Variants in ZNRF3 observed in about 807,000 individuals in gnomAD.
The protein encoded by ZNRF3 is zinc and ring finger 3.
ZNRF3 carries 23 observed loss-of-function variants against 72.5 expected under a neutral mutation model. That is an observed-to-expected ratio of 0.32 (90% CI 0.23 to 0.45). ZNRF3 has a LOEUF of 0.45. Ranked by LOEUF, ZNRF3 falls within the 20% of genes least tolerant of loss-of-function variation. ZNRF3 has a pLI of 1.00. For synonymous variants in ZNRF3, 610 were observed against 545.3 expected (o/e 1.12, Z -1.65); for missense variants, 1,169 against 1,272.1 (o/e 0.92, Z 1.23).
At chr22:28,929,088 G>C (rs1368168722) in intron 1 of ZNRF3, among the ~76,000 whole-genome samples, 2 of 152,212 alleles carry the variant, frequency 1.3e-5, no homozygotes, top group Non-Finnish European at 2.9e-5. Flanking sequence ...CTGTGGTGCT[G>C]TTTGACTGCA....
chr22:29,007,752 C>CTTTTTTTTTTTTTTTTTTTTTTTTTTT (rs943507617), intron 2 of ZNRF3, among the ~76,000 whole-genome samples: 1 of 43,676 alleles, frequency 2.3e-5, no homozygotes, highest in African/African-American at 7.3e-5. Flanking sequence ...CCATTTCTTC[C>CTTTTTTTTTTTTTTTTTTTTTTTTTTT]TTTTTTTTTT....
At chr22:29,044,108 G>T (rs935360300) in intron 4 of ZNRF3, among the ~76,000 whole-genome samples, 4 of 152,164 alleles carry the variant, frequency 2.6e-5, no homozygotes, top group Non-Finnish European at 5.9e-5. Flanking sequence ...AGTGTAGGAT[G>T]ATTCTTTCCC....
chr22:29,037,313 G>T (rs1282264712), intron 2 of ZNRF3, among the ~76,000 whole-genome samples: 3 of 152,156 alleles, frequency 2.0e-5, no homozygotes, highest in Non-Finnish European at 4.4e-5. Flanking sequence ...TAAGTGGTGG[G>T]CTCTAGGCTT....
chr22:28,997,096 G>A (rs1458873865), intron 2 of ZNRF3, among the ~76,000 whole-genome samples: 2 of 152,122 alleles, frequency 1.3e-5, no homozygotes, highest in African/African-American at 2.4e-5. Flanking sequence ...GATTTGCTGT[G>A]GGAAGGGGAG....
intron 5 of ZNRF3, 62 bp from the exon 6 acceptor site, chr22:29,046,654 C>T (rs1366754780): frequency 1.4e-6 from 2 of 1,470,078 alleles, no homozygotes; most frequent in East Asian, 4.8e-5. Context: ...TGTCATGTCC[C>T]TGGGGTGACT....
intron 4 of ZNRF3, 35 bp downstream of exon 4, chr22:29,043,465 C>A (rs747283032): frequency 3.7e-6 from 6 of 1,609,472 alleles, no homozygotes; most frequent in South Asian, 1.1e-5. Context: ...AGGCTCGGGG[C>A]CTTCTCTGCT....
chr22:28,958,174 C>T lies in ZNRF3; in HGVS notation c.301-28902C>T, dbSNP rs539506692. Among the ~76,000 whole-genome samples, 12 of 152,274 alleles carry T rather than the reference C, an allele frequency of 7.9e-5. No individual in the cohort carries two copies. In the East Asian group the frequency reaches 2.3e-3, roughly 29 times the overall value. On this transcript the variant is annotated intron_variant, in intron 1 of 8. Transcript: ENST00000544604. ...CTGCATGCCAGCCTGGGCAACAGAG[C>T]GAGACTCCGTCTCAAAAGAAAAGCA...
At chr22:28,928,647 C>T (rs1320247897) in intron 1 of ZNRF3, among the ~76,000 whole-genome samples, 1 of 151,974 alleles carries the variant, frequency 6.6e-6, no homozygotes, top group Non-Finnish European at 1.5e-5. Flanking sequence ...GCATACGCCA[C>T]CAAACCCGGC....
At chr22:29,024,284 G>GTTTTTTT (rs59532780) in intron 2 of ZNRF3, among the ~76,000 whole-genome samples, 32,621 of 125,982 alleles carry the variant, frequency 0.26, 5,347 homozygotes, top group Middle Eastern at 0.36. Flanking sequence ...GGCATTAACT[G>GTTTTTTT]TTTTTTTTTT....
chr22:28,905,548 T>C (rs1029056422), intron 1 of ZNRF3, among the ~76,000 whole-genome samples: 9 of 152,186 alleles, frequency 5.9e-5, no homozygotes, highest in African/African-American at 2.2e-4. Context: ...TTTGTACCAA[T>C]CAAAACAAAT....
chr22:28,891,058 G>C (rs372294433), intron 1 of ZNRF3, among the ~76,000 whole-genome samples: 1 of 152,166 alleles, frequency 6.6e-6, no homozygotes, highest in African/African-American at 2.4e-5. Context: ...TATCTGGTCA[G>C]AACTTTGCTT....
chr22:28,902,290 T>C (rs2034122879), intron 1 of ZNRF3, among the ~76,000 whole-genome samples: 2 of 152,202 alleles, frequency 1.3e-5, no homozygotes, highest in African/African-American at 4.8e-5. Flanking sequence ...TTCTTCAAAC[T>C]ACAACTTTTA....
intron 2 of ZNRF3, among the ~76,000 whole-genome samples, chr22:29,024,488 T>TA (rs1223879793): frequency 1.3e-5 from 2 of 152,068 alleles, no homozygotes; most frequent in Non-Finnish European, 2.9e-5. Context: ...AACAAGTTGA[T>TA]ATAAAGTGGA....
intron 5 of ZNRF3, among the ~76,000 whole-genome samples, chr22:29,045,448 T>C (rs1195211763): frequency 6.6e-6 from 1 of 151,978 alleles, no homozygotes; most frequent in Non-Finnish European, 1.5e-5. Flanking sequence ...GGTTAAGCAT[T>C]GGGAATATCT....
At chr22:28,961,556 G>A (rs571940338) in intron 1 of ZNRF3, among the ~76,000 whole-genome samples, 15 of 152,294 alleles carry the variant, frequency 9.8e-5, no homozygotes, top group African/African-American at 3.4e-4. Flanking sequence ...TGGGGGATAA[G>A]GACCTCCTAG....
intron 2 of ZNRF3, among the ~76,000 whole-genome samples, chr22:28,994,184 T>TTTTTTTTTTTTTTC (rs1601640961): frequency 1.0e-4 from 10 of 98,056 alleles, no homozygotes; most frequent in Non-Finnish European, 1.4e-4. Flanking sequence ...TTCTTTTTTT[T>TTTTTTTTTTTTTTC]TTTTTTTTTT....
intron 2 of ZNRF3, among the ~76,000 whole-genome samples, chr22:29,040,989 A>T (rs2036952512): frequency 1.3e-5 from 2 of 152,136 alleles, no homozygotes; most frequent in South Asian, 2.1e-4. Flanking sequence ...TTTCTCAAGC[A>T]CTGTGGCCCA....
At chr22:28,948,333 T>G (rs1164600600) in intron 1 of ZNRF3, among the ~76,000 whole-genome samples, 2 of 151,848 alleles carry the variant, frequency 1.3e-5, no homozygotes, top group Admixed American at 1.3e-4. Context: ...CCTGGCTATT[T>G]AAAAAAAATT....
intron 2 of ZNRF3, among the ~76,000 whole-genome samples, chr22:29,035,198 C>T (rs1285278613): frequency 1.3e-5 from 2 of 151,974 alleles, no homozygotes; most frequent in East Asian, 1.9e-4. Flanking sequence ...CCTCCTGGCT[C>T]CTGGGAGTTT....
Sources: allele counts gnomAD v4.1 joint callset (sites outside exome capture counted in the v4.1 genomes callset), GRCh38; gene constraint gnomAD v4.1.1; transcripts MANE v1.5; gene names NCBI Gene and HGNC (gene_info 2026-07-23, HGNC 2026-07-21).